Variants in NDST4 observed in about 807,000 individuals in gnomAD.
NDST4 encodes N-heparan sulfate sulfotransferase 4.
A neutral mutation model predicts 100.8 loss-of-function variants in NDST4; 63 were observed. The ratio of observed to expected loss-of-function variants is 0.62; its 90% CI spans 0.51 to 0.77. The LOEUF is 0.77. Ranked by LOEUF, NDST4 falls within the 30% of genes least tolerant of loss-of-function variation. The pLI is 0.00. For synonymous variants in NDST4, 377 were observed against 361.8 expected, an observed-to-expected ratio of 1.04 and a Z score of -0.48; for missense variants, 943 against 1,018.4, an observed-to-expected ratio of 0.93 and a Z score of 1.01.
intron 6 of NDST4, among the ~76,000 whole-genome samples, chr4:114,933,052 T>C (rs192587502): frequency 1.3e-3 from 200 of 152,236 alleles, no homozygotes; most frequent in African/African-American, 4.3e-3. Context: ...GGAGACATCA[T>C]GTTATCTATC....
chr4:114,907,843 C>T (rs984153828), intron 6 of NDST4, among the ~76,000 whole-genome samples: 1 of 152,022 alleles, frequency 6.6e-6, no homozygotes, highest in East Asian at 1.9e-4. Flanking sequence ...GAAAAAAAGG[C>T]TTTATTGGGA....
In NDST4 at chr4:115,099,227, G is replaced by A. The variant is rs142683231; in HGVS notation, c.-247+14217C>T. On this transcript the variant is annotated intron_variant, in intron 1 of 13. Coordinates refer to ENST00000264363, the MANE Select transcript of NDST4 (RefSeq NM_022569.3). Reference sequence around the variant, plus strand: ...AAAATACATAACTATAAGACTCTTAGAAGATCATATAGGAGAAGATCTAGA... The same window carrying A: ...AAAATACATAACTATAAGACTCTTAAAAGATCATATAGGAGAAGATCTAGA... 3.8e-3 allele frequency among the ~76,000 whole-genome samples: 579 copies of A among 152,138 alleles called. 1 individual carries two copies. The highest frequency in any genetic ancestry group is 6.9e-3 in the Non-Finnish European group (468 of 68,016).
intron 9 of NDST4, 53 bp downstream of exon 9, chr4:114,848,162 C>A (rs1723594556): frequency 1.4e-6 from 2 of 1,470,698 alleles, no homozygotes; most frequent in African/African-American, 2.8e-5. Flanking sequence ...AATTGCTCTG[C>A]AGTGATTGAG....
intron 1 of NDST4, among the ~76,000 whole-genome samples, chr4:115,095,902 A>C (rs1416241930): frequency 6.6e-6 from 1 of 152,020 alleles, no homozygotes; most frequent in Non-Finnish European, 1.5e-5. Flanking sequence ...CTATCCAATC[A>C]CAATCTTCTA....
chr4:114,874,099 T>TAA (rs527251125), intron 6 of NDST4, among the ~76,000 whole-genome samples: 693 of 152,102 alleles, frequency 4.6e-3, no homozygotes, highest in Middle Eastern at 0.014. Context: ...CAGATATTAT[T>TAA]GAAAAAAAAG....
At chr4:114,937,923 T>G (rs1312359636) in intron 4 of NDST4, among the ~76,000 whole-genome samples, 1 of 151,780 alleles carries the variant, frequency 6.6e-6, no homozygotes, top group Non-Finnish European at 1.5e-5. Context: ...ATCAGAAAGG[T>G]AACTATGAAT....
intron 8 of NDST4, among the ~76,000 whole-genome samples, chr4:114,849,637 G>A (rs1723629471): frequency 6.6e-6 from 1 of 152,142 alleles, no homozygotes; most frequent in Non-Finnish European, 1.5e-5. Flanking sequence ...CCACCTTGAT[G>A]GAAGACATGT....
In NDST4 at chr4:115,076,188, G is replaced by C. The variant is rs1729177725; in HGVS notation, c.849C>G (p.Ile283Met). ...NNLNFWLHKLIFIDAISFLSG... is the reference protein window; with the variant it reads ...NNLNFWLHKLMFIDAISFLSG... ...ACAAGAAGGAGATGGCATCTATGAA[G>C]ATGAGCTTGTGCAGCCAAAAGTTCA... is the stretch of plus-strand genomic sequence containing the variant. The change falls in exon 2 of 14, where the codon ATC (isoleucine) becomes ATG (methionine). Residue 283 changes from isoleucine (I) to methionine (M), a missense_variant. Physicochemically the swap from Ile to Met is conservative, Grantham distance 10 (BLOSUM62 1). Transcript: ENST00000264363. 6.2e-7 allele frequency: 1 copy of C among 1,613,816 alleles called. No individual in the cohort carries two copies. The highest frequency in any genetic ancestry group is 1.3e-5 in the African/African-American group (1 of 74,902).
At chr4:114,931,440 T>C (rs1235724423) in intron 6 of NDST4, among the ~76,000 whole-genome samples, 1 of 150,954 alleles carries the variant, frequency 6.6e-6, no homozygotes, top group East Asian at 1.9e-4. Flanking sequence ...TAATTTTATA[T>C]CTCAAGGAAC....
intron 6 of NDST4, among the ~76,000 whole-genome samples, chr4:114,911,995 T>C (rs535278737): frequency 3.9e-5 from 6 of 152,146 alleles, no homozygotes; most frequent in African/African-American, 9.7e-5. Flanking sequence ...TGTAGTCTAA[T>C]ACAATATGTT....
At position 114,970,571 on chromosome 4, in the gene NDST4, T is replaced by C. The variant is rs1376335163; in HGVS notation, c.1080A>G (p.Glu360=). ...GAAGTAAAAGGTCATCTCCTTCATC[T>C]TCCTCTTCAGTCCCTTTAAAACATA... ...GKFYHTGTEE[E]DEGDDLLLRS... is the part of the protein sequence containing the mutation. Residue 360 remains glutamate (E), a synonymous_variant, in exon 4 of 14, where the codon GAA becomes GAG. Transcript: ENST00000264363. The C allele has an allele frequency of 3.1e-6, 5 of 1,613,464 alleles. No homozygotes were observed. In the Admixed American group the frequency reaches 8.3e-5, roughly 27 times the overall value.
intron 6 of NDST4, among the ~76,000 whole-genome samples, chr4:114,913,400 GTATATAAAATAAAA>G (rs1270312291): frequency 6.6e-6 from 1 of 151,876 alleles, no homozygotes; most frequent in Non-Finnish European, 1.5e-5. Flanking sequence ...TCAAACTTTG[GTATATAAAATAAAA>G]TGTCTTAAAA....
At chr4:114,948,096 A>G (rs1725908604) in intron 4 of NDST4, among the ~76,000 whole-genome samples, 1 of 152,166 alleles carries the variant, frequency 6.6e-6, no homozygotes, top group South Asian at 2.1e-4. Context: ...GAAAGAGTAG[A>G]TTAGCATAAA....
chr4:115,100,267 C>T (rs1030579459), intron 1 of NDST4, among the ~76,000 whole-genome samples: 5 of 151,948 alleles, frequency 3.3e-5, no homozygotes, highest in Non-Finnish European at 5.9e-5. Flanking sequence ...AATGACAATA[C>T]AACATTTGTT....
intron 2 of NDST4, among the ~76,000 whole-genome samples, chr4:114,983,630 G>T (rs990338795): frequency 1.2e-4 from 19 of 152,184 alleles, no homozygotes; most frequent in African/African-American, 4.6e-4. Context: ...CTTTGTCTCA[G>T]ATGAGAATTT....
intron 8 of NDST4, among the ~76,000 whole-genome samples, chr4:114,851,469 G>T (rs561251322): frequency 6.6e-6 from 1 of 152,016 alleles, no homozygotes; most frequent in Admixed American, 6.6e-5. Context: ...AAATCTAAAC[G>T]TATAGCTTAA....
intron 2 of NDST4, among the ~76,000 whole-genome samples, chr4:115,046,584 C>T (rs1025530116): frequency 6.6e-6 from 1 of 151,874 alleles, no homozygotes; most frequent in South Asian, 2.1e-4. Context: ...AATCAAGGTA[C>T]CATAAACACA....
intron 4 of NDST4, among the ~76,000 whole-genome samples, chr4:114,963,644 G>A (rs1325749025): frequency 6.6e-6 from 1 of 152,164 alleles, no homozygotes; most frequent in Non-Finnish European, 1.5e-5. Context: ...TTGATTGATA[G>A]TAGAAGTGGT....
intron 6 of NDST4, among the ~76,000 whole-genome samples, chr4:114,894,642 T>C (rs1016431505): frequency 1.3e-5 from 2 of 152,180 alleles, no homozygotes; most frequent in African/African-American, 4.8e-5. Context: ...ACTTTTGGGC[T>C]GAGATGATGA....
Sources: gnomAD v4.1 joint callset for allele counts (sites outside exome capture counted in the v4.1 genomes callset) on GRCh38, gnomAD v4.1.1 for gene constraint, MANE v1.5 for transcripts, NCBI Gene and HGNC (gene_info 2026-07-23, HGNC 2026-07-21) for gene names.